The following BUB1 variants were observed in gnomAD, a reference collection of about 807,000 sequenced individuals.
The protein encoded by BUB1 is mitotic checkpoint serine/threonine-protein kinase BUB1.
BUB1 carries 84 observed loss-of-function variants against 135.2 expected under a neutral mutation model. The ratio of observed to expected loss-of-function variants is 0.62; its 90% CI spans 0.52 to 0.74. The LOEUF (loss-of-function observed/expected upper bound fraction) is 0.74. Ranked by LOEUF, BUB1 falls within the 30% of genes least tolerant of loss-of-function variation. BUB1 has a pLI of 0.00. For synonymous variants in BUB1, 403 were observed against 434.4 expected (o/e 0.93, Z 0.90); for missense variants, 1,162 against 1,288.3 (o/e 0.90, Z 1.50).
intron 1 of BUB1, chr2:110,675,138 A>G (rs1690538461): frequency 6.6e-6 from 1 of 152,216 alleles, no homozygotes; most frequent in Non-Finnish European, 1.5e-5. Context: ...TGCATCCCCC[A>G]CTTCCATATA....
intron 10 of BUB1, chr2:110,661,291 C>T: frequency 2.9e-6 from 1 of 341,396 alleles, no homozygotes; most frequent in South Asian, 4.4e-5. Flanking sequence ...GGAATTTTAG[C>T]CTAACAGCTG....
chr2:110,658,327 G>C (rs1330133331), intron 13 of BUB1, 83 bp downstream of exon 13: 1 of 1,133,446 alleles, frequency 8.8e-7, no homozygotes, highest in Non-Finnish European at 1.3e-6. Context: ...CAAGGGCAGG[G>C]TCACCTCTTA....
In BUB1 at chr2:110,637,789, T is replaced by G; in HGVS notation, c.*175A>C. 2.1e-6 allele frequency: 1 copy of G among 482,890 alleles called. No individual in the cohort carries two copies. Among genetic ancestry groups the G allele is most frequent in the Non-Finnish European group, 3.4e-6 (1 of 295,542 alleles). 29.9% of individuals were successfully genotyped at this position (482,890 alleles called of 1,614,324 possible). A position where few individuals can be genotyped will look rare whatever the true frequency, so the allele number is the denominator to read the frequency against. On this transcript the variant is annotated 3_prime_UTR_variant, in exon 25 of 25. Coordinates refer to ENST00000302759, the MANE Select transcript of BUB1 (RefSeq NM_004336.5). ...CCAATCAGCCTGCTATATAGGGACC[T>G]TATGGGGTTGTATATTTTGTTGAAA... is the stretch of plus-strand genomic sequence containing the variant.
chr2:110,655,718 C>T (rs776915240), intron 16 of BUB1, 21 bp downstream of exon 16: 5 of 1,569,002 alleles, frequency 3.2e-6, no homozygotes, highest in African/African-American at 2.7e-5. Flanking sequence ...AAGACAGACA[C>T]TAAAACAGTG....
intron 16 of BUB1, 93 bp downstream of exon 16, chr2:110,655,646 C>A: frequency 8.3e-7 from 1 of 1,202,418 alleles, no homozygotes; most frequent in Non-Finnish European, 1.1e-6. Context: ...TGTGGAATTT[C>A]CATGAAGAAA....
intron 13 of BUB1, among the ~76,000 whole-genome samples, chr2:110,657,972 A>C (rs1303307872): frequency 6.6e-6 from 1 of 152,184 alleles, no homozygotes; most frequent in Non-Finnish European, 1.5e-5. Context: ...AGAAAGAATT[A>C]AGCTCTTAGC....
chr2:110,670,159 G>A (rs1370567019), intron 5 of BUB1, among the ~76,000 whole-genome samples: 1 of 121,830 alleles, frequency 8.2e-6, no homozygotes, highest in Non-Finnish European at 1.6e-5. Flanking sequence ...TTTTTGTGGA[G>A]ACGGAGTCTC....
chr2:110,642,131 T>G lies in BUB1; in HGVS notation c.2451A>C (p.Lys817Asn). The change falls in exon 20 of 25, where the codon AAA becomes AAC. Residue 817 changes from lysine (K) to asparagine (N), a missense_variant. Lys to Asn is a moderately conservative substitution (Grantham distance 94). Coordinates refer to ENST00000302759, the MANE Select transcript of BUB1 (RefSeq NM_004336.5). ...GDLNDAKNKQ[K>N]FVLKVQKPAN... is the part of the protein sequence containing the mutation. ...TCAGGTCATTTACCTTTAAAACAAA[T>G]TTCTGTTTATTTTTAGCATCATTCA... 6.2e-7 allele frequency: 1 copy of G among 1,606,584 alleles called. No individual in the cohort carries two copies. The highest frequency in any genetic ancestry group is 8.5e-7 in the Non-Finnish European group (1 of 1,176,174).
In BUB1 at chr2:110,657,572, A is replaced by G; in HGVS notation, c.1590T>C (p.Phe530=). The G allele has an allele frequency of 6.2e-7, 1 of 1,607,174 alleles. No individual in the cohort carries two copies. Residue 530 remains phenylalanine, a synonymous_variant, in exon 14 of 25, where the codon TTT becomes TTC. Transcript: ENST00000302759. ...CATAATTTTCTTTGTTTCCATCTTC[A>G]AACACATGAAAAGCAGATGACAAAG... is the stretch of plus-strand genomic sequence containing the variant. ...ISSLSSAFHV[F]EDGNKENYGL... is the part of the protein sequence containing the mutation.
At chr2:110,650,520 G>T in intron 18 of BUB1, 26 bp downstream of exon 18, 6 of 1,601,226 alleles carry the variant, frequency 3.7e-6, no homozygotes, top group Non-Finnish European at 5.1e-6. Context: ...TGATTCAAGG[G>T]CATAACAAAG....
rs1689401594 is a variant in BUB1 at position 110,637,772 on chromosome 2, C to T, written c.*192G>A. 8 of 403,788 alleles carry T rather than the reference C, an allele frequency of 2.0e-5. No homozygotes were observed. The East Asian group carries it at 2.2e-4, about 11-fold the overall frequency. The allele number at this position is 403,788 out of a possible 1,614,324, so 25.0% of individuals were successfully genotyped here. On this transcript the variant is annotated 3_prime_UTR_variant, in exon 25 of 25. Coordinates refer to ENST00000302759, the MANE Select transcript of BUB1 (RefSeq NM_004336.5). ...TGCATCCCAGAAGCAGCCCAATCAG[C>T]CTGCTATATAGGGACCTTATGGGGT...
At chr2:110,661,554 G>C (rs756029854) in intron 10 of BUB1, 28 bp downstream of exon 10, 1 of 1,607,776 alleles carries the variant, frequency 6.2e-7, no homozygotes, top group East Asian at 2.2e-5. Flanking sequence ...TCACATCACT[G>C]TGATCTCTAG....
chr2:110,650,972 G>C (rs893349853), intron 17 of BUB1, among the ~76,000 whole-genome samples, 188 bp from the exon 18 acceptor site: 1 of 152,038 alleles, frequency 6.6e-6, no homozygotes, highest in Non-Finnish European at 1.5e-5. Flanking sequence ...AATATGAACA[G>C]AAATAATAAA....
In BUB1 at chr2:110,649,331, A is replaced by C. The variant is rs750746132; in HGVS notation, c.2250T>G (p.Leu750=). 17 of 1,611,132 alleles carry C rather than the reference A, an allele frequency of 1.1e-5. No individual in the cohort carries two copies. Among genetic ancestry groups the C allele is most frequent in the Admixed American group, 8.4e-5 (5 of 59,772 alleles). Residue 750 remains leucine, a synonymous_variant, in exon 19 of 25, where the codon CTT becomes CTG. Transcript: ENST00000302759. The part of the protein sequence containing the change: ...NPWDDKLIFK[L]LSGLSKPVSS... Reference sequence around the variant, plus strand: ...TCACTGGTTTAGAAAGCCCAGATAAAAGTTTGAAAATCAGCTTATCATCCC... The same window carrying C: ...TCACTGGTTTAGAAAGCCCAGATAACAGTTTGAAAATCAGCTTATCATCCC...
In BUB1 at chr2:110,637,974, G is replaced by C; in HGVS notation, c.3248C>G (p.Ser1083Ter). ...GTCTATATCCAAATTTTATTTTCGT[G>C]AACGCTTACATTCTAAGAGCAGTAC... is the stretch of plus-strand genomic sequence containing the variant. ...LIVLLLECKR[S>*]RK Residue 1083 changes from serine to a stop codon, truncating the protein, a stop_gained, in exon 25 of 25, where the codon TCA (serine) becomes TGA (stop). Coordinates refer to ENST00000302759, the MANE Select transcript of BUB1 (RefSeq NM_004336.5). LOFTEE classifies it high-confidence loss of function. 1 of 1,487,156 alleles carries C rather than the reference G, an allele frequency of 6.7e-7. No individual in the cohort carries two copies. Among genetic ancestry groups the C allele is most frequent in the Non-Finnish European group, 9.0e-7 (1 of 1,113,970 alleles). The allele number at this position is 1,487,156 out of a possible 1,614,324, so 92.1% of individuals were successfully genotyped here.
Position 110,657,051 on chromosome 2 carries a change from A to G in BUB1, c.1683T>C (p.Leu561=), listed in dbSNP as rs1197852768. 1 of 1,612,654 alleles carries G rather than the reference A, an allele frequency of 6.2e-7. No individual in the cohort carries two copies. Among genetic ancestry groups the G allele is most frequent in the Admixed American group, 1.7e-5 (1 of 59,902 alleles). The change falls in exon 15 of 25, where the codon CTT becomes CTC. Residue 561 remains leucine, a synonymous_variant. Coordinates refer to ENST00000302759, the MANE Select transcript of BUB1 (RefSeq NM_004336.5). The stretch of plus-strand genomic sequence containing the variant: ...GTTTGTTTACCTTTGGTTTTGAAGG[A>G]AGTCTGCTGACAGAGCGTTCTCCAA... The part of the protein sequence containing the change: ...RTFGERSVSR[L]PSKPKEEVPH...
rs767456937 is a variant in BUB1 at position 110,638,056 on chromosome 2, T to A, written c.3166A>T (p.Lys1056Ter). ...TTAGTATAGTGTTGTTGAAATACTT[T>A]CTTCAGCTTTTGCCTTAACAAATCC... ...SLDLLRQKLK[K>*]VFQQHYTNKI... Residue 1056 changes from lysine (K) to a stop codon, truncating the protein, a stop_gained, in exon 25 of 25, where the codon AAA (lysine) becomes TAA (stop). Transcript: ENST00000302759. LOFTEE classifies it high-confidence loss of function. 1 of 1,612,906 alleles carries A rather than the reference T, an allele frequency of 6.2e-7. No homozygotes were observed. Among genetic ancestry groups the A allele is most frequent in the South Asian group, 1.1e-5 (1 of 90,778 alleles).
At chr2:110,675,580 G>A (rs1345828944) in intron 1 of BUB1, among the ~76,000 whole-genome samples, 1 of 152,080 alleles carries the variant, frequency 6.6e-6, no homozygotes, top group Non-Finnish European at 1.5e-5. Context: ...GGAAGACTCC[G>A]AGGTTTTCTA....
intron 14 of BUB1, 30 bp from the exon 15 acceptor site, chr2:110,657,147 G>C (rs1559169261): frequency 6.4e-7 from 1 of 1,559,748 alleles, no homozygotes; most frequent in Non-Finnish European, 8.8e-7. Context: ...ATTATAAATA[G>C]TAAAATATGC....
Sources: gnomAD v4.1 joint callset for allele counts (sites outside exome capture counted in the v4.1 genomes callset) on GRCh38, gnomAD v4.1.1 for gene constraint, MANE v1.5 for transcripts, NCBI Gene and HGNC (gene_info 2026-07-23, HGNC 2026-07-21) for gene names.